The following APC variants were observed in gnomAD, a reference collection of about 807,000 sequenced individuals.
The protein encoded by APC is adenomatous polyposis coli protein.
Under a neutral mutation model 247.0 loss-of-function variants are expected in APC, and 72 were observed. The observed-to-expected ratio is 0.29, with a 90% CI of 0.24 to 0.35. The LOEUF is 0.35. APC is among the 10% of genes least tolerant of loss of function. The pLI is 1.00. For synonymous variants in APC, 1,254 were observed against 1,162.5 expected (o/e 1.08, Z -1.60); for missense variants, 3,400 against 3,360.7 (o/e 1.01, Z -0.29).
At chr5:112,791,934 A>T (rs1759649010) in intron 6 of APC, among the ~76,000 whole-genome samples, 1 of 152,142 alleles carries the variant, frequency 6.6e-6, no homozygotes, top group Non-Finnish European at 1.5e-5. Context: ...AATAAAGTCC[A>T]GTGTATTACA....
intron 1 of APC, among the ~76,000 whole-genome samples, chr5:112,728,500 C>T (rs1317095643): frequency 6.6e-6 from 1 of 152,110 alleles, no homozygotes; most frequent in Admixed American, 6.5e-5. Context: ...TATTGGACAT[C>T]CCTGGAAAAC....
At chr5:112,768,445 A>G (rs1756617443) in intron 4 of APC, among the ~76,000 whole-genome samples, 2 of 151,412 alleles carry the variant, frequency 1.3e-5, no homozygotes, top group African/African-American at 4.9e-5. Flanking sequence ...AGTAACTACT[A>G]GATTCAGTAA....
rs3839284 is a variant in APC at position 112,837,409 on chromosome 5, T to TAGAA, written c.1959-143_1959-140dup. On this transcript the variant is annotated intron_variant, in intron 15 of 15. Transcript: ENST00000257430. ...TAAAACATTAAACATTACATGAAAT[T>TAGAA]AGAACAAAAGGAGATGTGGAATACT... is the stretch of plus-strand genomic sequence containing the variant. 393,902 of 619,258 alleles carry TAGAA rather than the reference T, an allele frequency of 0.64. 127,720 individuals carry two copies. The highest frequency in any genetic ancestry group is 0.84 in the East Asian group (30,374 of 36,064). 38.4% of individuals were successfully genotyped at this position (619,258 alleles called of 1,614,324 possible). A position where few individuals can be genotyped will look rare whatever the true frequency, so the allele number is the denominator to read the frequency against.
At chr5:112,754,758 A>T in intron 1 of APC, 115 bp from the exon 2 acceptor site, 1 of 970,906 alleles carries the variant, frequency 1.0e-6, no homozygotes, top group Non-Finnish European at 1.6e-6. Context: ...CTAGCATATT[A>T]ACACAATTCT....
chr5:112,758,251 G>C (rs369368037), intron 2 of APC, among the ~76,000 whole-genome samples: 1 of 152,232 alleles, frequency 6.6e-6, no homozygotes. Context: ...CTTAAAAAAA[G>C]TTGTGTAGTG....
intron 14 of APC, 109 bp from the exon 15 acceptor site, chr5:112,834,842 G>A: frequency 1.0e-6 from 1 of 955,924 alleles, no homozygotes. Flanking sequence ...TGAGGGACGG[G>A]CAATAGGATA....
chr5:112,815,976 A>C (rs1762470181), intron 9 of APC, among the ~76,000 whole-genome samples: 1 of 152,212 alleles, frequency 6.6e-6, no homozygotes, highest in Non-Finnish European at 1.5e-5. Context: ...ACAAGGGAAA[A>C]ATCAGGTTTA....
intron 8 of APC, among the ~76,000 whole-genome samples, chr5:112,810,781 G>A (rs1324390931): frequency 6.6e-6 from 1 of 152,166 alleles, no homozygotes; most frequent in Non-Finnish European, 1.5e-5. Context: ...GGATTTGCTA[G>A]TCATTTCAAG....
In APC at chr5:112,843,300, G is replaced by A. The variant is rs2149992270; in HGVS notation, c.7706G>A (p.Ser2569Asn). 6.2e-7 allele frequency: 1 copy of A among 1,613,554 alleles called. No individual in the cohort carries two copies. Among genetic ancestry groups the A allele is most frequent in the Non-Finnish European group, 8.5e-7 (1 of 1,179,532 alleles). Residue 2569 changes from serine to asparagine, a missense_variant, in exon 16 of 16, where the codon AGT becomes AAT. Physicochemically the swap from Ser to Asn is conservative, Grantham distance 46. Coordinates refer to ENST00000257430, the MANE Select transcript of APC (RefSeq NM_000038.6). This position sits in a 1 kb window ranked among gnomAD's most constrained non-coding sequence, Gnocchi z 4.8. ...GTAAGCACTTGGAGAAGAACTGGAA[G>A]TTCATCTTCAATTCTTTCTGCTTCA... ...PRVSTWRRTG[S>N]SSSILSASSE...
chr5:112,803,555 C>T (rs753728094), intron 8 of APC, among the ~76,000 whole-genome samples: 1 of 152,084 alleles, frequency 6.6e-6, no homozygotes, highest in Non-Finnish European at 1.5e-5. Flanking sequence ...CCTCATAGAA[C>T]AGTTGGGAGA....
At position 112,843,926 on chromosome 5, in the gene APC, G is replaced by T. The variant is rs587778046; in HGVS notation, c.8332G>T (p.Ala2778Ser). 4.5e-5 allele frequency: 73 copies of T among 1,612,038 alleles called. No individual in the cohort carries two copies. The East Asian group carries it at 1.2e-3, about 27-fold the overall frequency. ...SKHSSPSGTV[A>S]ARVTPFNYNP... ...ACACAGTTCACCTAGTGGGACTGTTGCTGCCAGAGTGACTCCTTTTAATTA... is the reference window on the plus strand; with the variant it reads ...ACACAGTTCACCTAGTGGGACTGTTTCTGCCAGAGTGACTCCTTTTAATTA... The change falls in exon 16 of 16, where the codon GCT becomes TCT. Residue 2778 changes from alanine (A) to serine (S), a missense_variant. By Grantham distance (99) the Ala-to-Ser change is moderately conservative (BLOSUM62 1). Around this residue, in one of 9 missense-constraint regions of APC, gnomAD observed 1,788 missense variants for 1,649.5 expected, o/e 1.08. Transcript: ENST00000257430. The surrounding 1 kb of genome is among the most constrained non-coding windows in gnomAD (Gnocchi z 4.8).
At position 112,838,179 on chromosome 5, in the gene APC, A is replaced by G. The variant is rs779334785; in HGVS notation, c.2585A>G (p.Asn862Ser). ...AGAGAACGCGGAATTGGTCTAGGCA[A>G]CTACCATCCAGCAACAGAAAATCCA... ...LERERGIGLGNYHPATENPGT... is the reference protein window; with the variant it reads ...LERERGIGLGSYHPATENPGT... The change falls in exon 16 of 16, where the codon AAC becomes AGC. Residue 862 changes from asparagine (N) to serine (S), a missense_variant. Transcript: ENST00000257430. The G allele has an allele frequency of 2.5e-6, 4 of 1,614,186 alleles. No individual in the cohort carries two copies. Among genetic ancestry groups the G allele is most frequent in the South Asian group, 1.1e-5 (1 of 91,084 alleles).
intron 14 of APC, 99 bp downstream of exon 14, chr5:112,829,071 G>T (rs879155375): frequency 1.2e-6 from 1 of 818,474 alleles, no homozygotes; most frequent in South Asian, 1.4e-5. Flanking sequence ...TCTTACCTGT[G>T]TATTATTCAG....
intron 5 of APC, among the ~76,000 whole-genome samples, chr5:112,779,598 T>C (rs1263954105): frequency 6.6e-6 from 1 of 152,204 alleles, no homozygotes; most frequent in East Asian, 1.9e-4. Flanking sequence ...TGGAAATACC[T>C]ACTTATCAAA....
intron 4 of APC, among the ~76,000 whole-genome samples, chr5:112,771,963 C>T (rs1478035763): frequency 1.3e-5 from 2 of 152,084 alleles, no homozygotes; most frequent in African/African-American, 4.8e-5. Flanking sequence ...ATGAGAATAA[C>T]GACCTCAAAG....
At position 112,843,964 on chromosome 5, in the gene APC, T is replaced by A. The variant is rs2150004153; in HGVS notation, c.8370T>A (p.Pro2790=). 6.2e-7 allele frequency: 1 copy of A among 1,605,342 alleles called. No homozygotes were observed. Among genetic ancestry groups the A allele is most frequent in the South Asian group, 1.1e-5 (1 of 89,930 alleles). ...CTCCTTTTAATTACAACCCAAGCCC[T>A]AGGAAAAGCAGCGCAGATAGCACTT... ...RVTPFNYNPS[P]RKSSADSTSA... Residue 2790 remains proline, a synonymous_variant, in exon 16 of 16, where the codon CCT becomes CCA. Transcript: ENST00000257430. The surrounding 1 kb of genome is among the most constrained non-coding windows in gnomAD (Gnocchi z 4.8).
intron 10 of APC, among the ~76,000 whole-genome samples, chr5:112,821,037 T>TC (rs1372421135): frequency 6.6e-6 from 1 of 151,360 alleles, no homozygotes; most frequent in Admixed American, 6.6e-5. Context: ...CTAATTTTTT[T>TC]TTTTTTTTTT....
chr5:112,823,405 A>G (rs1381685425), intron 11 of APC: 1 of 152,706 alleles, frequency 6.5e-6, no homozygotes, highest in African/African-American at 2.4e-5. Flanking sequence ...TGCTGGGGAC[A>G]TAGCCACAGG....
chr5:112,768,271 G>A (rs1256806024), intron 4 of APC, among the ~76,000 whole-genome samples: 1 of 151,238 alleles, frequency 6.6e-6, no homozygotes, highest in Non-Finnish European at 1.5e-5. Flanking sequence ...TCAAACTCAT[G>A]ACCTTAGGTG....
Sources: gnomAD v4.1 joint callset for allele counts (sites outside exome capture counted in the v4.1 genomes callset) on GRCh38, gnomAD v4.1.1 for gene constraint, gnomAD v4.1.1 regional missense constraint, Gnocchi (gnomAD v3.1) non-coding constraint, MANE v1.5 for transcripts, NCBI Gene and HGNC (gene_info 2026-07-23, HGNC 2026-07-21) for gene names.